Variants in RBMS2 observed in about 807,000 individuals in gnomAD.
The protein encoded by RBMS2 is RNA binding motif single stranded interacting protein 2.
Under a neutral mutation model 58.4 loss-of-function variants are expected in RBMS2, and 38 were observed. The ratio of observed to expected loss-of-function variants is 0.65; its 90% CI spans 0.50 to 0.85. The LOEUF (loss-of-function observed/expected upper bound fraction) is 0.85. RBMS2 is among the 40% of genes least tolerant of loss of function. RBMS2 has a pLI of 0.00. For synonymous variants in RBMS2, 151 were observed against 180.7 expected (o/e 0.84, Z 1.32); for missense variants, 367 against 503.7 (o/e 0.73, Z 2.60).
At chr12:56,589,063 C>G (rs1227033644) in intron 13 of RBMS2, 45 bp downstream of exon 13, 5 of 1,612,816 alleles carry the variant, frequency 3.1e-6, no homozygotes, top group African/African-American at 2.7e-5. Flanking sequence ...CACTGGCAGA[C>G]AGCAGCTCAG....
intron 1 of RBMS2, among the ~76,000 whole-genome samples, chr12:56,561,627 C>T (rs1453359407): frequency 6.6e-6 from 1 of 151,724 alleles, no homozygotes; most frequent in Admixed American, 6.6e-5. Flanking sequence ...CTGCCTCAAC[C>T]TCCTGAGTAG....
At position 56,559,907 on chromosome 12, in the gene RBMS2, T is replaced by C. The variant is rs932344878; in HGVS notation, c.67-2510T>C. On this transcript the variant is annotated intron_variant, in intron 1 of 13. Transcript: ENST00000262031. ...AGGTCACAATCTTCTTTTTTTTTTT[T>C]TTTTTGAGACGGAGTCGCCCTCTGT... 1.2e-4 allele frequency among the ~76,000 whole-genome samples: 18 copies of C among 149,228 alleles called. No homozygotes were observed. In the South Asian group the frequency reaches 3.4e-3, roughly 28 times the overall value.
rs1025015042 is a variant in RBMS2 at position 56,595,648 on chromosome 12, T to C, written c.*6515T>C. Reference sequence around the variant, plus strand: ...GTGGGAAGTGGTAAGCTGGTGATGGTCCCATATTTGCTATGACAGGAACAC... The same window carrying C: ...GTGGGAAGTGGTAAGCTGGTGATGGCCCCATATTTGCTATGACAGGAACAC... On this transcript the variant is annotated 3_prime_UTR_variant, in exon 14 of 14. Transcript: ENST00000262031. The C allele has an allele frequency of 2.6e-5, 4 of 152,000 alleles. No individual in the cohort carries two copies. The highest frequency in any genetic ancestry group is 9.7e-5 in the African/African-American group (4 of 41,360). The allele number at this position is 152,000 out of a possible 1,614,324, so 9.4% of individuals were successfully genotyped here. A position where few individuals can be genotyped will look rare whatever the true frequency, so the allele number is the denominator to read the frequency against.
Position 56,589,411 on chromosome 12 carries a change from C to CT in RBMS2, c.*283dup. 1 of 849,382 alleles carries CT rather than the reference C, an allele frequency of 1.2e-6. No individual in the cohort carries two copies. Among genetic ancestry groups the CT allele is most frequent in the Non-Finnish European group, 1.5e-6 (1 of 657,096 alleles). The allele number at this position is 849,382 out of a possible 1,614,324, so 52.6% of individuals were successfully genotyped here. On this transcript the variant is annotated 3_prime_UTR_variant, in exon 14 of 14. Coordinates refer to ENST00000262031, the MANE Select transcript of RBMS2 (RefSeq NM_002898.4). ...AACTTTTCTTCTTTTGCAAAGAAAG[C>CT]TTTTTGTTTTTAACTGCAACGTACT...
intron 1 of RBMS2, among the ~76,000 whole-genome samples, chr12:56,530,080 A>T (rs551866444): frequency 1.4e-4 from 22 of 151,828 alleles, no homozygotes; most frequent in Middle Eastern, 3.4e-3. Flanking sequence ...ATTAAAAAAA[A>T]TTTTTTTTAT....
At chr12:56,549,630 A>G (rs911891098) in intron 1 of RBMS2, among the ~76,000 whole-genome samples, 12 of 152,150 alleles carry the variant, frequency 7.9e-5, no homozygotes, top group Non-Finnish European at 1.5e-4. Context: ...CCTCAGATTA[A>G]TGAATGTTCT....
intron 1 of RBMS2, among the ~76,000 whole-genome samples, chr12:56,558,657 T>G (rs576761977): frequency 4.7e-4 from 68 of 143,912 alleles, no homozygotes; most frequent in Admixed American, 8.9e-4. Context: ...GGCACGATCT[T>G]GCTTACTGCA....
intron 1 of RBMS2, among the ~76,000 whole-genome samples, chr12:56,539,248 C>A (rs937200950): frequency 6.6e-6 from 1 of 152,108 alleles, no homozygotes; most frequent in African/African-American, 2.4e-5. Flanking sequence ...AACTCCTGAA[C>A]TCAAGTGATT....
intron 1 of RBMS2, among the ~76,000 whole-genome samples, chr12:56,525,797 G>C (rs1872553061): frequency 6.6e-6 from 1 of 151,820 alleles, no homozygotes; most frequent in Admixed American, 6.6e-5. Flanking sequence ...GAGTAGCTGG[G>C]ATTACAGAGG....
chr12:56,581,775 C>T (rs1883980806), intron 7 of RBMS2, 58 bp from the exon 8 acceptor site: 14 of 1,582,426 alleles, frequency 8.8e-6, no homozygotes, highest in Non-Finnish European at 1.2e-5. Context: ...ACATTCTGGG[C>T]CAGCTCCTAT....
intron 5 of RBMS2, among the ~76,000 whole-genome samples, chr12:56,576,000 A>G (rs1463140470): frequency 6.6e-6 from 1 of 152,144 alleles, no homozygotes; most frequent in Non-Finnish European, 1.5e-5. Flanking sequence ...AAAGTCCAGA[A>G]ATAGTTACAA....
intron 8 of RBMS2, 80 bp from the exon 9 acceptor site, chr12:56,581,979 A>C: frequency 6.4e-7 from 1 of 1,572,164 alleles, no homozygotes; most frequent in Non-Finnish European, 8.7e-7. Context: ...AGTCAAGGGA[A>C]CGTTGGCTGT....
In RBMS2 at chr12:56,589,641, T is replaced by C. The variant is rs941209; in HGVS notation, c.*508T>C. The C allele has an allele frequency of 0.24, 38,335 of 162,360 alleles. 4,916 individuals carry two copies. The highest frequency in any genetic ancestry group is 0.34 in the Middle Eastern group (110 of 320). 10.1% of individuals were successfully genotyped at this position (162,360 alleles called of 1,614,324 possible). A position where few individuals can be genotyped will look rare whatever the true frequency, so the allele number is the denominator to read the frequency against. On this transcript the variant is annotated 3_prime_UTR_variant, in exon 14 of 14. Coordinates refer to ENST00000262031, the MANE Select transcript of RBMS2 (RefSeq NM_002898.4). ...CTTAGTTATGGACTTTTTTGATGCA[T>C]GTGTGTATGTGTTTTAAAAAGTATG...
chr12:56,586,959 G>C, intron 10 of RBMS2, 33 bp downstream of exon 10: 1 of 1,590,324 alleles, frequency 6.3e-7, no homozygotes, highest in African/African-American at 1.3e-5. Context: ...AAGCCAAAGA[G>C]GCAATTTGAT....
rs1885171617 is a variant in RBMS2, at chr12:56,589,775, C to T, written c.*642C>T. 1 of 152,682 alleles carries T rather than the reference C, an allele frequency of 6.5e-6. No individual in the cohort carries two copies. 9.5% of individuals were successfully genotyped at this position (152,682 alleles called of 1,614,324 possible). On this transcript the variant is annotated 3_prime_UTR_variant, in exon 14 of 14. Coordinates refer to ENST00000262031, the MANE Select transcript of RBMS2 (RefSeq NM_002898.4). ...GTCCAGATTCTTCTTTTTCTCTTTTCTAAACAGCTGAGCCTGCCTACTTTG... is the reference window on the plus strand; with the variant it reads ...GTCCAGATTCTTCTTTTTCTCTTTTTTAAACAGCTGAGCCTGCCTACTTTG...
At chr12:56,544,258 A>G (rs1876723592) in intron 1 of RBMS2, among the ~76,000 whole-genome samples, 1 of 152,146 alleles carries the variant, frequency 6.6e-6, no homozygotes. Flanking sequence ...CCTGGGCAAC[A>G]GAGCGGGACT....
At chr12:56,585,972 G>A (rs1443706952) in intron 9 of RBMS2, among the ~76,000 whole-genome samples, 3 of 152,012 alleles carry the variant, frequency 2.0e-5, no homozygotes, top group Non-Finnish European at 4.4e-5. Flanking sequence ...CACTTGAGCT[G>A]AGGAGTTCAA....
intron 5 of RBMS2, among the ~76,000 whole-genome samples, chr12:56,575,594 A>G (rs1003858789): frequency 1.3e-5 from 2 of 151,218 alleles, no homozygotes; most frequent in African/African-American, 4.9e-5. Flanking sequence ...TTTTTTTTTA[A>G]ATTAAATACA....
At chr12:56,528,735 C>T (rs532593518) in intron 1 of RBMS2, among the ~76,000 whole-genome samples, 10 of 152,224 alleles carry the variant, frequency 6.6e-5, no homozygotes, top group South Asian at 4.2e-4. Context: ...GAGACCAGCC[C>T]GGGGCAACAT....
Sources: allele counts gnomAD v4.1 joint callset (sites outside exome capture counted in the v4.1 genomes callset), GRCh38; gene constraint gnomAD v4.1.1; transcripts MANE v1.5; gene names NCBI Gene and HGNC (gene_info 2026-07-23, HGNC 2026-07-21).